Variants in CSMD1 observed in about 807,000 individuals in gnomAD.
The protein encoded by CSMD1 is CUB and Sushi multiple domains 1.
In CSMD1, 213 loss-of-function variants were observed where a neutral mutation model predicts 417.5. The observed-to-expected ratio is 0.51, with a 90% CI of 0.46 to 0.57. The LOEUF is 0.57. CSMD1 is among the 20% of genes least tolerant of loss of function. The pLI is 0.00. For missense variants in CSMD1, 6,923 were observed against 4,529.7 expected, an observed-to-expected ratio of 1.53 and a Z score of -15.17; for synonymous variants, 2,862 against 1,736.8, an observed-to-expected ratio of 1.65 and a Z score of -16.11.
At chr8:3,400,034 A>C (rs1289518218) in intron 15 of CSMD1, among the ~76,000 whole-genome samples, 3 of 152,222 alleles carry the variant, frequency 2.0e-5, no homozygotes, top group African/African-American at 7.2e-5. Context: ...GTGTGAAACA[A>C]AACAAAATGT....
intron 4 of CSMD1, among the ~76,000 whole-genome samples, chr8:4,010,896 A>G (rs1272283295): frequency 6.6e-6 from 1 of 152,192 alleles, no homozygotes; most frequent in Admixed American, 6.5e-5. Context: ...AAACATACTG[A>G]AAGGTCTAAC....
chr8:3,077,507 T>C (rs1585290909), intron 49 of CSMD1, among the ~76,000 whole-genome samples: 1 of 152,232 alleles, frequency 6.6e-6, no homozygotes, highest in South Asian at 2.1e-4. Flanking sequence ...TGATGGTCTC[T>C]GGGCAGAAGC....
intron 7 of CSMD1, among the ~76,000 whole-genome samples, chr8:3,650,766 AT>A (rs1000101878): frequency 6.6e-6 from 1 of 152,088 alleles, no homozygotes. Context: ...CAAAAATGTG[AT>A]TTTTTTCTAA....
chr8:4,179,580 A>G (rs1199899740), intron 3 of CSMD1, among the ~76,000 whole-genome samples: 14 of 151,356 alleles, frequency 9.2e-5, no homozygotes, highest in Non-Finnish European at 1.2e-4. Flanking sequence ...TGACAAATGG[A>G]ATCTAATTAA....
At chr8:4,943,852 T>A (rs967413365) in intron 1 of CSMD1, among the ~76,000 whole-genome samples, 1 of 152,164 alleles carries the variant, frequency 6.6e-6, no homozygotes, top group Non-Finnish European at 1.5e-5. Context: ...GAAGCCAAGA[T>A]AGAGCCATAA....
chr8:4,088,303 G>C (rs984893223), intron 3 of CSMD1, among the ~76,000 whole-genome samples: 1 of 152,198 alleles, frequency 6.6e-6, no homozygotes, highest in Non-Finnish European at 1.5e-5. Flanking sequence ...AATACAGCCT[G>C]CAAAGCTAGA....
At chr8:4,578,332 A>ATTTTTCTTTTT (rs1799238990) in intron 2 of CSMD1, among the ~76,000 whole-genome samples, 595 of 48,754 alleles carry the variant, frequency 0.012, 28 homozygotes, top group African/African-American at 0.043. Flanking sequence ...CACCCGGCTC[A>ATTTTTCTTTTT]TTTTTTTTTT....
rs148112313 is a variant in CSMD1 at position 3,755,490 on chromosome 8, T to C, written c.819-1448A>G. On this transcript the variant is annotated intron_variant, in intron 5 of 69. Coordinates refer to ENST00000635120, the MANE Select transcript of CSMD1 (RefSeq NM_033225.6). Reference sequence around the variant, plus strand: ...GATAATCTGTAAGGGTTTAAGCAAATTGCTTTTAGCAGGAACTTGAACTGT... The same window carrying C: ...GATAATCTGTAAGGGTTTAAGCAAACTGCTTTTAGCAGGAACTTGAACTGT... 3.1e-3 allele frequency among the ~76,000 whole-genome samples: 478 copies of C among 152,036 alleles called. 2 individuals are homozygous for C. Among genetic ancestry groups the C allele is most frequent in the African/African-American group, 0.011 (449 of 41,462 alleles).
At chr8:4,896,173 G>C (rs998135463) in intron 1 of CSMD1, among the ~76,000 whole-genome samples, 1 of 151,854 alleles carries the variant, frequency 6.6e-6, no homozygotes, top group Non-Finnish European at 1.5e-5. Context: ...TGTTTCCTTT[G>C]TCTTTCATAT....
At position 4,570,941 on chromosome 8, in the gene CSMD1, T is replaced by C. The variant is rs141104123; in HGVS notation, c.302+66401A>G. 4.3e-3 allele frequency among the ~76,000 whole-genome samples: 655 copies of C among 152,336 alleles called. 6 individuals are homozygous for C. Among genetic ancestry groups the C allele is most frequent in the African/African-American group, 0.014 (588 of 41,572 alleles). On this transcript the variant is annotated intron_variant, in intron 2 of 69. Transcript: ENST00000635120. ...TAGTTTATTTGTATAGAGGTATTTATAGTATTCTGTGGTGGTACTTTGTAT... is the reference window on the plus strand; with the variant it reads ...TAGTTTATTTGTATAGAGGTATTTACAGTATTCTGTGGTGGTACTTTGTAT...
chr8:4,954,112 T>C (rs1407988037), intron 1 of CSMD1, among the ~76,000 whole-genome samples: 1 of 150,734 alleles, frequency 6.6e-6, no homozygotes, highest in Non-Finnish European at 1.5e-5. Flanking sequence ...TTTAAACACA[T>C]TATTTTATTT....
At chr8:3,107,904 CG>C in intron 44 of CSMD1, 106 bp from the exon 45 acceptor site, 1 of 694,226 alleles carries the variant, frequency 1.4e-6, no homozygotes, top group East Asian at 3.0e-5. Flanking sequence ...CTTAAGTACA[CG>C]GACTGAAATG....
At chr8:4,659,444 G>T (rs989132055) in intron 1 of CSMD1, among the ~76,000 whole-genome samples, 1 of 152,128 alleles carries the variant, frequency 6.6e-6, no homozygotes, top group Non-Finnish European at 1.5e-5. Context: ...ACTTGCAGTG[G>T]AATACCACTC....
chr8:4,324,285 A>G (rs1040924691), intron 3 of CSMD1, among the ~76,000 whole-genome samples: 34 of 152,176 alleles, frequency 2.2e-4, no homozygotes, highest in Non-Finnish European at 2.9e-4. Context: ...CCTCATCACT[A>G]ACTGCGTATT....
At chr8:4,515,605 A>C (rs553268501) in intron 2 of CSMD1, among the ~76,000 whole-genome samples, 128 of 152,302 alleles carry the variant, frequency 8.4e-4, no homozygotes, top group African/African-American at 3.0e-3. Flanking sequence ...GAGACATCTA[A>C]ATTTTATCAA....
chr8:4,631,147 G>C (rs970391870), intron 2 of CSMD1, among the ~76,000 whole-genome samples: 1 of 152,096 alleles, frequency 6.6e-6, no homozygotes, highest in Non-Finnish European at 1.5e-5. Flanking sequence ...TGGATCACGA[G>C]GTCAGGAGTT....
intron 33 of CSMD1, among the ~76,000 whole-genome samples, chr8:3,194,909 A>G (rs1796618396): frequency 6.6e-6 from 1 of 152,122 alleles, no homozygotes; most frequent in South Asian, 2.1e-4. Flanking sequence ...AACCCAGGTT[A>G]GAGATGGTGA....
At chr8:4,424,433 A>C (rs1380514510) in intron 2 of CSMD1, among the ~76,000 whole-genome samples, 1 of 152,030 alleles carries the variant, frequency 6.6e-6, no homozygotes, top group African/African-American at 2.4e-5. Context: ...AAGCCCACGA[A>C]TATTTACTCT....
chr8:3,456,728 G>C (rs1436477727), intron 12 of CSMD1, among the ~76,000 whole-genome samples: 1 of 152,118 alleles, frequency 6.6e-6, no homozygotes, highest in African/African-American at 2.4e-5. Context: ...ATTTGGAGCT[G>C]TTGATTTCTC....
Sources: allele counts gnomAD v4.1 joint callset (sites outside exome capture counted in the v4.1 genomes callset), GRCh38; gene constraint gnomAD v4.1.1; transcripts MANE v1.5; gene names NCBI Gene and HGNC (gene_info 2026-07-23, HGNC 2026-07-21).